Variants in AMPD3 observed in about 807,000 individuals in gnomAD.
AMPD3 encodes the protein AMP deaminase 3.
AMPD3 carries 57 observed loss-of-function variants against 82.3 expected under a neutral mutation model. The ratio of observed to expected loss-of-function variants is 0.69; its 90% CI spans 0.56 to 0.86. The LOEUF is 0.86. Ranked by LOEUF, AMPD3 falls within the 40% of genes least tolerant of loss-of-function variation. AMPD3 has a pLI of 0.00. For missense variants in AMPD3, 870 were observed against 1,003.8 expected, an observed-to-expected ratio of 0.87 and a Z score of 1.80; for synonymous variants, 381 against 394.7, an observed-to-expected ratio of 0.97 and a Z score of 0.41.
intron 2 of AMPD3, chr11:10,477,829 G>T (rs1848784995): frequency 5.2e-6 from 5 of 967,882 alleles, no homozygotes; most frequent in South Asian, 4.8e-5. Context: ...CTCTGGGAAA[G>T]TGTCTGTGAG....
chr11:10,497,235 C>T (rs1340853247), intron 10 of AMPD3, among the ~76,000 whole-genome samples: 6 of 151,812 alleles, frequency 4.0e-5, no homozygotes, highest in Non-Finnish European at 7.4e-5. Flanking sequence ...CGGTTCCTGC[C>T]AGGTGGGGCT....
intron 6 of AMPD3, among the ~76,000 whole-genome samples, chr11:10,489,193 C>T (rs1000327197): frequency 7.2e-5 from 11 of 152,196 alleles, no homozygotes; most frequent in African/African-American, 2.4e-4. Context: ...GTGGATGCCT[C>T]CATCACTGTG....
Position 10,493,378 on chromosome 11 carries a change from C to A in AMPD3, c.969C>A (p.Cys323Ter). 1 of 1,614,202 alleles carries A rather than the reference C, an allele frequency of 6.2e-7. No homozygotes were observed. The highest frequency in any genetic ancestry group is 1.3e-5 in the African/African-American group (1 of 75,052). Reference protein sequence around the residue: ...KVDTHIHAAACMNQKHLLRFI... With the variant: ...KVDTHIHAAA The stretch of plus-strand genomic sequence containing the variant: ...ACACACACATCCATGCGGCCGCCTG[C>A]ATGAACCAAAAGCATCTGCTGCGCT... The change falls in exon 7 of 15, where the codon TGC becomes TGA. Residue 323 changes from cysteine to a stop codon, truncating the protein, a stop_gained. Coordinates refer to ENST00000396553, the MANE Select transcript of AMPD3 (RefSeq NM_001025389.2). LOFTEE classifies it high-confidence loss of function.
intron 1 of AMPD3, among the ~76,000 whole-genome samples, chr11:10,460,000 A>C (rs1848210959): frequency 6.7e-6 from 1 of 149,878 alleles, no homozygotes; most frequent in Admixed American, 6.7e-5. Context: ...ATAAGTATGA[A>C]GTTCTTTGCA....
intron 8 of AMPD3, 75 bp downstream of exon 8, chr11:10,495,105 T>C: frequency 6.2e-7 from 1 of 1,612,534 alleles, no homozygotes; most frequent in Non-Finnish European, 8.5e-7. Flanking sequence ...GGGGGCCCTG[T>C]GTGCCCCTGG....
chr11:10,461,670 CA>C lies in AMPD3; in HGVS notation c.155del (p.Lys52ArgfsTer29). On this transcript the variant is annotated frameshift_variant, in exon 2 of 15. Coordinates refer to ENST00000396553, the MANE Select transcript of AMPD3 (RefSeq NM_001025389.2). LOFTEE classifies it high-confidence loss of function. ...TGTCCCAGAGGACTGCCCCATCGGG[CA>C]AAAGGAAGCCAAGGAGAGGGAGCTG... ...FTVPEDCPIG[Q>X]KEAKERELQK... 6.2e-7 allele frequency: 1 copy of C among 1,614,180 alleles called. No homozygotes were observed. The highest frequency in any genetic ancestry group is 2.2e-5 in the East Asian group (1 of 44,890).
At chr11:10,484,352 A>G (rs1849000944) in intron 4 of AMPD3, 2 of 985,198 alleles carry the variant, frequency 2.0e-6, no homozygotes, top group Admixed American at 6.2e-5. Context: ...CTAGCCCCTC[A>G]CCTGGCCTGG....
chr11:10,494,846 C>A, intron 7 of AMPD3, 53 bp from the exon 8 acceptor site: 1 of 1,586,220 alleles, frequency 6.3e-7, no homozygotes. Flanking sequence ...GAGAGGGGAA[C>A]GTGCATGGTG....
chr11:10,470,039 C>CA (rs58806706), intron 2 of AMPD3, among the ~76,000 whole-genome samples: 1,310 of 101,674 alleles, frequency 0.013, 29 homozygotes, highest in African/African-American at 0.042. Context: ...GACTCCGTCT[C>CA]AAAAAAAAAA....
intron 1 of AMPD3, among the ~76,000 whole-genome samples, chr11:10,458,670 A>T (rs981312791): frequency 6.6e-6 from 1 of 152,158 alleles, no homozygotes; most frequent in African/African-American, 2.4e-5. Context: ...CATAATCATA[A>T]TTCTGATTAC....
chr11:10,490,355 G>C (rs1251045212), intron 6 of AMPD3: 3 of 341,236 alleles, frequency 8.8e-6, no homozygotes, highest in Non-Finnish European at 1.2e-5. Flanking sequence ...TAGCAAATAG[G>C]TTTTACCTTC....
rs140888302 is a variant in AMPD3, at chr11:10,487,797, G to A, written c.939+433G>A. On this transcript the variant is annotated intron_variant, in intron 6 of 14. Transcript: ENST00000396553. ...TTCTCATTGTTCAGCTCCCTTATAA[G>A]TGAGAACATGCGGTGTTTGGTTTTC... Among the ~76,000 whole-genome samples the A allele has an allele frequency of 3.6e-3, 546 of 152,200 alleles. 5 individuals carry two copies. Among genetic ancestry groups the A allele is most frequent in the African/African-American group, 0.012 (511 of 41,520 alleles).
At chr11:10,455,201 T>A, upstream of AMPD3, 7 of 985,438 alleles carry the variant, frequency 7.1e-6, no homozygotes, top group Non-Finnish European at 8.4e-6. Flanking sequence ...TCATGGTTAT[T>A]TCCCAGGACC....
At position 10,503,238 on chromosome 11, in the gene AMPD3, C is replaced by A. The variant is rs142517112; in HGVS notation, c.2016+344C>A. On this transcript the variant is annotated intron_variant, in intron 13 of 14. Transcript: ENST00000396553. ...GAGATAAAATTTTCTCTGTCCCTAC[C>A]CTGTAAGGATTCATGAAGATAATGA... Among the ~76,000 whole-genome samples the A allele has an allele frequency of 3.5e-4, 53 of 152,228 alleles. No homozygotes were observed. In the East Asian group the frequency reaches 9.1e-3, roughly 26 times the overall value.
At chr11:10,502,627 C>T (rs1387065331) in intron 12 of AMPD3, 94 bp from the exon 13 acceptor site, 1 of 1,593,036 alleles carries the variant, frequency 6.3e-7, no homozygotes, top group Non-Finnish European at 8.5e-7. Context: ...CCCTGGTTTC[C>T]ACTGGTGAAT....
upstream of AMPD3, among the ~76,000 whole-genome samples, chr11:10,451,207 G>A (rs1359833329): frequency 6.6e-6 from 1 of 152,214 alleles, no homozygotes; most frequent in Non-Finnish European, 1.5e-5. Context: ...CCTGTCCCCT[G>A]TTCCTGTCCC....
chr11:10,450,540 G>T (rs957866202), upstream of AMPD3: 10 of 986,110 alleles, frequency 1.0e-5, no homozygotes, highest in Non-Finnish European at 1.2e-5. Flanking sequence ...CACGGGGAGC[G>T]GTGTGGAAGC....
chr11:10,458,595 A>G (rs372651427), intron 1 of AMPD3, among the ~76,000 whole-genome samples: 3 of 152,230 alleles, frequency 2.0e-5, no homozygotes, highest in African/African-American at 4.8e-5. Context: ...AAGCATGGGT[A>G]TGGTTCTATG....
In AMPD3 at chr11:10,487,107, C is replaced by T. The variant is rs546185729; in HGVS notation, c.810-128C>T. 6.0e-3 allele frequency: 9,361 copies of T among 1,568,476 alleles called. 50 individuals are homozygous for T. Among genetic ancestry groups the T allele is most frequent in the Non-Finnish European group, 6.3e-3 (7,279 of 1,147,930 alleles). ...CAGCAGGGTCTGTAGAAAGCCAGAA[C>T]CTCCTCATTCCGCCCTGCTCCGTCC... On this transcript the variant is annotated intron_variant, in intron 5 of 14. Coordinates refer to ENST00000396553, the MANE Select transcript of AMPD3 (RefSeq NM_001025389.2).
Sources: gnomAD v4.1 joint callset for allele counts (sites outside exome capture counted in the v4.1 genomes callset) on GRCh38, gnomAD v4.1.1 for gene constraint, MANE v1.5 for transcripts, NCBI Gene and HGNC (gene_info 2026-07-23, HGNC 2026-07-21) for gene names.